Variants in SGK3 observed in about 807,000 individuals in gnomAD.
SGK3 encodes the protein serum/glucocorticoid regulated kinase family member 3, also known as serine/threonine-protein kinase Sgk3.
A neutral mutation model predicts 68.5 loss-of-function variants in SGK3; 47 were observed. The ratio of observed to expected loss-of-function variants is 0.69; its 90% CI spans 0.54 to 0.87. SGK3 has a LOEUF of 0.87. SGK3 is among the 40% of genes least tolerant of loss of function. The pLI is 0.00. For synonymous variants in SGK3, 181 were observed against 189.1 expected, an observed-to-expected ratio of 0.96 and a Z score of 0.35; for missense variants, 479 against 575.5, an observed-to-expected ratio of 0.83 and a Z score of 1.72.
At chr8:66,821,878 C>T (rs1477788743) in intron 5 of SGK3, among the ~76,000 whole-genome samples, 1 of 151,774 alleles carries the variant, frequency 6.6e-6, no homozygotes, top group Non-Finnish European at 1.5e-5. Flanking sequence ...TTTCTGGGCC[C>T]AGGGAAAATA....
chr8:66,817,373 G>A (rs1264528988), intron 5 of SGK3, among the ~76,000 whole-genome samples: 1 of 151,752 alleles, frequency 6.6e-6, no homozygotes, highest in East Asian at 2.0e-4. Flanking sequence ...AGAGGTTGCA[G>A]TGAGCCAAGA....
intron 1 of SGK3, among the ~76,000 whole-genome samples, chr8:66,756,407 T>C (rs1805974216): frequency 6.6e-6 from 1 of 152,058 alleles, no homozygotes; most frequent in Admixed American, 6.6e-5. Context: ...AGGAGGGTTA[T>C]GTGGGCTGGT....
intron 4 of SGK3, among the ~76,000 whole-genome samples, chr8:66,811,727 A>G (rs548138738): frequency 3.9e-5 from 6 of 152,364 alleles, no homozygotes; most frequent in South Asian, 2.1e-4. Flanking sequence ...ATCTTCAGTA[A>G]GCATCCACAG....
At chr8:66,759,522 C>T (rs1806091149) in intron 1 of SGK3, among the ~76,000 whole-genome samples, 1 of 151,844 alleles carries the variant, frequency 6.6e-6, no homozygotes, top group African/African-American at 2.4e-5. Flanking sequence ...ACCTCTACCT[C>T]CCGGGTTCAA....
At chr8:66,812,372 C>T (rs542148107) in intron 4 of SGK3, among the ~76,000 whole-genome samples, 8 of 152,044 alleles carry the variant, frequency 5.3e-5, no homozygotes, top group African/African-American at 1.7e-4. Context: ...GCCTGGCTAA[C>T]ATGATGAAAC....
intron 1 of SGK3, among the ~76,000 whole-genome samples, chr8:66,756,025 T>G (rs1392307865): frequency 6.6e-6 from 1 of 152,116 alleles, no homozygotes; most frequent in Non-Finnish European, 1.5e-5. Flanking sequence ...TGTGACTGTA[T>G]TTGGAGACAG....
At chr8:66,746,098 T>G (rs1430592329) in intron 1 of SGK3, among the ~76,000 whole-genome samples, 1 of 152,186 alleles carries the variant, frequency 6.6e-6, no homozygotes, top group African/African-American at 2.4e-5. Flanking sequence ...TATTCAGGTT[T>G]TCTAGAAAAG....
chr8:66,820,138 G>A (rs1279803143), intron 5 of SGK3, among the ~76,000 whole-genome samples: 5 of 151,948 alleles, frequency 3.3e-5, no homozygotes, highest in East Asian at 1.9e-4. Flanking sequence ...GTGTATTCAC[G>A]ATGCTTTACA....
chr8:66,850,866 CAGCTG>C lies in SGK3; in HGVS notation c.1267_1271del (p.Ser423GlyfsTer2). ...AGAATCATCCTTTTTTTGAATCACT[CAGCTG>C]GGCTGACCTTGTACAAAAGAAGATT... On this transcript the variant is annotated frameshift_variant, in exon 16 of 17. Transcript: ENST00000521198. LOFTEE classifies it high-confidence loss of function. 1 of 1,610,980 alleles carries C rather than the reference CAGCTG, an allele frequency of 6.2e-7. No homozygotes were observed. Among genetic ancestry groups the C allele is most frequent in the Non-Finnish European group, 8.5e-7 (1 of 1,178,450 alleles).
At chr8:66,847,565 A>G (rs1285993164) in intron 15 of SGK3, among the ~76,000 whole-genome samples, 6 of 152,180 alleles carry the variant, frequency 3.9e-5, no homozygotes, top group Admixed American at 2.0e-4. Flanking sequence ...TGCCCTATCC[A>G]CCACATACAC....
At chr8:66,818,879 CT>C (rs939884965) in intron 5 of SGK3, among the ~76,000 whole-genome samples, 4 of 152,098 alleles carry the variant, frequency 2.6e-5, no homozygotes, top group African/African-American at 9.7e-5. Flanking sequence ...ATTAGCATAC[CT>C]TTTGGTGCAC....
chr8:66,858,008 G>A (rs1473600523), intron 16 of SGK3, among the ~76,000 whole-genome samples: 2 of 152,064 alleles, frequency 1.3e-5, no homozygotes, highest in Non-Finnish European at 2.9e-5. Flanking sequence ...CTGTAGCACA[G>A]TAAGAGTCAT....
At chr8:66,843,233 T>A (rs1041563325) in intron 13 of SGK3, among the ~76,000 whole-genome samples, 1 of 152,188 alleles carries the variant, frequency 6.6e-6, no homozygotes, top group African/African-American at 2.4e-5. Context: ...TATCACAGTT[T>A]CCAAGGAGAA....
At chr8:66,798,679 A>G (rs987344413) in intron 3 of SGK3, 54 bp downstream of exon 3, 5 of 1,455,168 alleles carry the variant, frequency 3.4e-6, no homozygotes, top group Non-Finnish European at 3.8e-6. Context: ...GAGAAAACCC[A>G]AAATAAGAGA....
chr8:66,843,630 T>G, intron 14 of SGK3, 83 bp downstream of exon 14: 1 of 1,367,634 alleles, frequency 7.3e-7, no homozygotes, highest in Non-Finnish European at 1.0e-6. Flanking sequence ...AAGAATCTCA[T>G]GGACACTTAG....
chr8:66,719,256 A>G (rs916667696), intron 1 of SGK3, among the ~76,000 whole-genome samples: 1 of 152,068 alleles, frequency 6.6e-6, no homozygotes, highest in Admixed American at 6.5e-5. Context: ...TATGTACACA[A>G]GAGTTTTTTT....
At chr8:66,717,070 T>G (rs1441335724) in intron 1 of SGK3, among the ~76,000 whole-genome samples, 2 of 150,560 alleles carry the variant, frequency 1.3e-5, no homozygotes. Flanking sequence ...CTGGGCATGG[T>G]GGTGCATGCC....
At chr8:66,787,660 A>G (rs1807265448) in intron 1 of SGK3, among the ~76,000 whole-genome samples, 2 of 152,216 alleles carry the variant, frequency 1.3e-5, no homozygotes, top group African/African-American at 4.8e-5. Flanking sequence ...CGATTGGGAA[A>G]GAGGCTGACT....
At chr8:66,855,487 G>A (rs1376726101) in intron 16 of SGK3, among the ~76,000 whole-genome samples, 1 of 152,184 alleles carries the variant, frequency 6.6e-6, no homozygotes, top group Non-Finnish European at 1.5e-5. Context: ...ACAGGCATGA[G>A]CCACCGCACC....
Sources: allele counts gnomAD v4.1 joint callset (sites outside exome capture counted in the v4.1 genomes callset), GRCh38; gene constraint gnomAD v4.1.1; transcripts MANE v1.5; gene names NCBI Gene and HGNC (gene_info 2026-07-23, HGNC 2026-07-21).